MICAL3: variants seen among roughly 807,000 people sequenced by gnomAD.
MICAL3 encodes the protein microtubule associated monooxygenase, calponin and LIM domain containing 3, also known as [F-actin]-monooxygenase MICAL3.
In MICAL3, 62 loss-of-function variants were observed where a neutral mutation model predicts 207.4. That is an observed-to-expected ratio of 0.30 (90% CI 0.24 to 0.37). MICAL3 has a LOEUF of 0.37. Among genes scored for constraint, MICAL3 ranks in the 10% least tolerant of loss-of-function variants. The probability of loss-of-function intolerance (pLI) is 1.00; values close to 1 mark genes in which losing one functional copy is unlikely to be tolerated. For missense variants in MICAL3, 2,368 were observed against 2,635.6 expected, an observed-to-expected ratio of 0.90 and a Z score of 2.22; for synonymous variants, 1,077 against 1,069.3, an observed-to-expected ratio of 1.01 and a Z score of -0.14.
At chr22:17,934,373 T>C (rs1311774668) in intron 1 of MICAL3, among the ~76,000 whole-genome samples, 1 of 152,182 alleles carries the variant, frequency 6.6e-6, no homozygotes, top group Admixed American at 6.5e-5. Context: ...ATTATCTCAA[T>C]AGGTGCAGAA....
At chr22:17,972,870 C>A (rs181719132) in intron 1 of MICAL3, among the ~76,000 whole-genome samples, 1 of 152,224 alleles carries the variant, frequency 6.6e-6, no homozygotes, top group African/African-American at 2.4e-5. Context: ...TAACCTGACC[C>A]GTCAGCTTAA....
chr22:17,962,696 A>G (rs1228487433), intron 1 of MICAL3, among the ~76,000 whole-genome samples: 1 of 151,948 alleles, frequency 6.6e-6, no homozygotes, highest in Non-Finnish European at 1.5e-5. Context: ...AGGAATAAGC[A>G]ATTTCCAAGG....
intron 1 of MICAL3, among the ~76,000 whole-genome samples, chr22:17,947,323 T>C (rs1934121766): frequency 6.6e-6 from 1 of 152,182 alleles, no homozygotes; most frequent in Admixed American, 6.5e-5. Context: ...TTTCCCTTCA[T>C]GAAGAGGTAA....
chr22:17,835,515 G>T (rs2146053403), intron 20 of MICAL3, among the ~76,000 whole-genome samples: 1 of 151,320 alleles, frequency 6.6e-6, no homozygotes, highest in East Asian at 2.0e-4. Context: ...GTACCTCGAG[G>T]CTCCCAGCAC....
chr22:18,004,909 C>T, intron 1 of MICAL3: 1 of 150,826 alleles, frequency 6.6e-6, no homozygotes, highest in East Asian at 2.0e-4. Context: ...CATATATTTA[C>T]TTATTTATTT....
At chr22:17,856,608 CTT>C (rs57588188) in intron 19 of MICAL3, among the ~76,000 whole-genome samples, 1,173 of 94,744 alleles carry the variant, frequency 0.012, 4 homozygotes, top group Non-Finnish European at 0.016. Context: ...AAAATGTTTA[CTT>C]TTTTTTTTTT....
At chr22:17,874,730 G>A (rs1928095746) in intron 16 of MICAL3, among the ~76,000 whole-genome samples, 1 of 152,222 alleles carries the variant, frequency 6.6e-6, no homozygotes, top group Non-Finnish European at 1.5e-5. Context: ...GTGTGCATAT[G>A]CTACCATGCA....
rs553640881 is a variant in MICAL3, at chr22:17,790,424, C to T, written c.*308G>A. On this transcript the variant is annotated 3_prime_UTR_variant, in exon 32 of 32. Coordinates refer to ENST00000441493, the MANE Select transcript of MICAL3 (RefSeq NM_015241.3). ...CAAATGTGCCAGTGGAAAAAAGGGG[C>T]ACAGCCAGCACATCCTCAGGGAGCG... 9.6e-5 allele frequency: 34 copies of T among 353,614 alleles called. No homozygotes were observed. In the South Asian group the frequency reaches 2.2e-3, roughly 23 times the overall value. The allele number at this position is 353,614 out of a possible 1,614,324, so 21.9% of individuals were successfully genotyped here. A position where few individuals can be genotyped will look rare whatever the true frequency, so the allele number is the denominator to read the frequency against.
intron 19 of MICAL3, among the ~76,000 whole-genome samples, chr22:17,842,967 A>G (rs1353556581): frequency 6.6e-6 from 1 of 152,000 alleles, no homozygotes; most frequent in Non-Finnish European, 1.5e-5. Context: ...TAAAAATACA[A>G]AAAATTAACC....
chr22:17,853,345 T>C (rs1438049853), intron 19 of MICAL3, among the ~76,000 whole-genome samples: 1 of 152,162 alleles, frequency 6.6e-6, no homozygotes, highest in African/African-American at 2.4e-5. Context: ...TCTCACCTCT[T>C]CTGCTTCCCC....
At chr22:17,895,623 G>C (rs1007229523) in intron 9 of MICAL3, among the ~76,000 whole-genome samples, 1 of 151,970 alleles carries the variant, frequency 6.6e-6, no homozygotes. Flanking sequence ...GCCGAGGAGA[G>C]AGAGCAGGCA....
chr22:17,822,995 C>T lies in MICAL3; in HGVS notation c.3259G>A (p.Ala1087Thr), dbSNP rs1046329010. ...DSEPAEIEGE[A>T]AEDGDPGDTG... ...TCCCCTGGGTCCCCATCCTCTGCTG[C>T]CTCCCCTTCTATCTCGGCTGGTTCT... Residue 1087 changes from alanine (A) to threonine (T), a missense_variant, in exon 23 of 32, where the codon GCA (alanine) becomes ACA (threonine). Coordinates refer to ENST00000441493, the MANE Select transcript of MICAL3 (RefSeq NM_015241.3). 1.9e-6 allele frequency: 3 copies of T among 1,613,882 alleles called. No homozygotes were observed. The highest frequency in any genetic ancestry group is 2.5e-6 in the Non-Finnish European group (3 of 1,179,798).
chr22:17,809,950 G>A (rs954718663), intron 28 of MICAL3, among the ~76,000 whole-genome samples: 1 of 151,582 alleles, frequency 6.6e-6, no homozygotes, highest in African/African-American at 2.4e-5. Context: ...GTGCAATGGT[G>A]CAATCTAGGC....
chr22:17,801,907 AAACAACAAC>A (rs375062155), intron 29 of MICAL3, among the ~76,000 whole-genome samples: 61 of 151,690 alleles, frequency 4.0e-4, no homozygotes, highest in Non-Finnish European at 6.9e-4. Flanking sequence ...AAAAACAAAC[AAACAACAAC>A]AACAACAACA....
intron 1 of MICAL3, among the ~76,000 whole-genome samples, chr22:17,967,486 ACACACACCCACACACACC>A (rs1935198446): frequency 6.9e-6 from 1 of 145,592 alleles, no homozygotes; most frequent in African/African-American, 2.5e-5. Flanking sequence ...ACACACACAC[ACACACACCCACACACACC>A]CACTCATGCC....
chr22:17,928,082 C>T (rs557257935), intron 1 of MICAL3, among the ~76,000 whole-genome samples: 52 of 152,286 alleles, frequency 3.4e-4, no homozygotes, highest in African/African-American at 1.1e-3. Flanking sequence ...TGCAGCATAG[C>T]GTGGTGGACA....
intron 1 of MICAL3, among the ~76,000 whole-genome samples, chr22:17,961,137 G>A (rs537592703): frequency 6.6e-6 from 1 of 152,284 alleles, no homozygotes; most frequent in East Asian, 1.9e-4. Flanking sequence ...AAAATCCAGA[G>A]GATGGCTGGC....
Position 17,818,174 on chromosome 22 carries a change from C to T in MICAL3, c.4487G>A (p.Arg1496Gln), listed in dbSNP as rs138062653. ...VPPPLPATWMRPPREPAQPPR... is the reference protein window; with the variant it reads ...VPPPLPATWMQPPREPAQPPR... Reference sequence around the variant, plus strand: ...GGGCTGAGCAGGCTCCCGGGGGGGCCGCATCCAGGTGGCGGGCAAGGGCGG... The same window carrying T: ...GGGCTGAGCAGGCTCCCGGGGGGGCTGCATCCAGGTGGCGGGCAAGGGCGG... Residue 1496 changes from arginine (R) to glutamine (Q), a missense_variant, in exon 26 of 32, where the codon CGG becomes CAG. By Grantham distance (43) the Arg-to-Gln change is conservative. Coordinates refer to ENST00000441493, the MANE Select transcript of MICAL3 (RefSeq NM_015241.3). 3,106 of 1,589,542 alleles carry T rather than the reference C, an allele frequency of 2.0e-3. 7 individuals carry two copies. The highest frequency in any genetic ancestry group is 2.5e-3 in the Non-Finnish European group (2,876 of 1,171,024).
At position 17,906,612 on chromosome 22, in the gene MICAL3, T is replaced by C. The variant is rs1442925408; in HGVS notation, c.201A>G (p.Ala67=). The C allele has an allele frequency of 8.7e-6, 14 of 1,613,816 alleles. No individual in the cohort carries two copies. The highest frequency in any genetic ancestry group is 1.6e-4 in the Middle Eastern group (1 of 6,084). ...TGTGACTGCCCCGTTTGTCCAATTT[T>C]GCCCAGAGGGCTTTGGCTTTCCAGT... ...LNYWKAKALW[A]KLDKRGSHKD... The change falls in exon 2 of 32, where the codon GCA becomes GCG. Residue 67 remains alanine, a synonymous_variant. Coordinates refer to ENST00000441493, the MANE Select transcript of MICAL3 (RefSeq NM_015241.3).
Sources: allele counts gnomAD v4.1 joint callset (sites outside exome capture counted in the v4.1 genomes callset), GRCh38; gene constraint gnomAD v4.1.1; transcripts MANE v1.5; gene names NCBI Gene and HGNC (gene_info 2026-07-23, HGNC 2026-07-21).